Variants in MALRD1 observed in about 807,000 individuals in gnomAD.
MALRD1 encodes MAM and LDL receptor class A domain containing 1.
Under a neutral mutation model 242.1 loss-of-function variants are expected in MALRD1, and 247 were observed. The observed-to-expected ratio is 1.02, with a 90% confidence interval of 0.92 to 1.13. The LOEUF (loss-of-function observed/expected upper bound fraction) is 1.13. MALRD1 is among the 50% of genes most tolerant of loss of function. The pLI is 0.00. For synonymous variants in MALRD1, 995 were observed against 866.6 expected, an observed-to-expected ratio of 1.15 and a Z score of -2.60; for missense variants, 2,989 against 2,533.1, an observed-to-expected ratio of 1.18 and a Z score of -3.86.
intron 32 of MALRD1, among the ~76,000 whole-genome samples, chr10:19,540,671 C>A (rs1834927327): frequency 6.6e-6 from 1 of 152,048 alleles, no homozygotes; most frequent in African/African-American, 2.4e-5. Flanking sequence ...CCCAGCCCAT[C>A]TCATAGTTAT....
chr10:19,415,693 A>G (rs1337021150), intron 28 of MALRD1, among the ~76,000 whole-genome samples: 1 of 152,188 alleles, frequency 6.6e-6, no homozygotes, highest in African/African-American at 2.4e-5. Flanking sequence ...ATAGACTTCT[A>G]AAAGATCATT....
chr10:19,528,548 G>A (rs10827527), intron 31 of MALRD1, among the ~76,000 whole-genome samples: 39,076 of 151,970 alleles, frequency 0.26, 6,031 homozygotes, highest in Admixed American at 0.4. Flanking sequence ...AGCCAATATC[G>A]TGCCGTTGCA....
chr10:19,659,735 C>A, intron 36 of MALRD1, among the ~76,000 whole-genome samples: 1 of 151,984 alleles, frequency 6.6e-6, no homozygotes, highest in East Asian at 1.9e-4. Flanking sequence ...TATATAAAGT[C>A]AATAAATAAA....
chr10:19,176,822 G>GCATA (rs140446090), intron 14 of MALRD1, among the ~76,000 whole-genome samples: 2 of 150,794 alleles, frequency 1.3e-5, no homozygotes, highest in Admixed American at 6.6e-5. Flanking sequence ...CTGTGTGTCT[G>GCATA]TGTGTGTGTG....
At chr10:19,371,580 T>C (rs977376894) in intron 26 of MALRD1, among the ~76,000 whole-genome samples, 1 of 152,168 alleles carries the variant, frequency 6.6e-6, no homozygotes, top group Non-Finnish European at 1.5e-5. Flanking sequence ...CCTACAGTCT[T>C]AGAATTAACC....
At chr10:19,295,562 A>G (rs750302575) in intron 21 of MALRD1, among the ~76,000 whole-genome samples, 3 of 151,906 alleles carry the variant, frequency 2.0e-5, no homozygotes, top group Non-Finnish European at 2.9e-5. Context: ...TTATTGTGAT[A>G]TTTGTATGTA....
chr10:19,513,614 C>G (rs1833503750), intron 31 of MALRD1, among the ~76,000 whole-genome samples: 1 of 151,914 alleles, frequency 6.6e-6, no homozygotes, highest in Admixed American at 6.6e-5. Context: ...TAGCGGGTGC[C>G]TGTAGCCCCA....
intron 28 of MALRD1, among the ~76,000 whole-genome samples, chr10:19,403,853 T>C (rs1266179358): frequency 1.3e-5 from 2 of 152,104 alleles, no homozygotes; most frequent in Non-Finnish European, 2.9e-5. Context: ...ATCCCCAAAT[T>C]ATAAGGCAGA....
In MALRD1 at chr10:19,692,563, T is replaced by C. The variant is rs1025493571; in HGVS notation, c.6314+9T>C. The stretch of plus-strand genomic sequence containing the variant: ...AGAAAGGTACCAATAAGGTAAGTGA[T>C]GCCTTTAGTTGCTAAATGAAATATA... On this transcript the variant is annotated intron_variant, in intron 38 of 39. Transcript: ENST00000454679. The C allele has an allele frequency of 4.6e-6, 7 of 1,521,728 alleles. No individual in the cohort carries two copies. The highest frequency in any genetic ancestry group is 6.2e-6 in the Non-Finnish European group (7 of 1,136,682). The allele number at this position is 1,521,728 out of a possible 1,614,324, so 94.3% of individuals were successfully genotyped here. A position where few individuals can be genotyped will look rare whatever the true frequency, so the allele number is the denominator to read the frequency against.
chr10:19,369,998 G>C (rs1845302755), intron 26 of MALRD1, among the ~76,000 whole-genome samples: 1 of 152,020 alleles, frequency 6.6e-6, no homozygotes, highest in South Asian at 2.1e-4. Flanking sequence ...TGGTCACAGA[G>C]ATATTCTACT....
At chr10:19,570,980 A>G (rs998190435) in intron 33 of MALRD1, among the ~76,000 whole-genome samples, 1 of 152,092 alleles carries the variant, frequency 6.6e-6, no homozygotes, top group African/African-American at 2.4e-5. Flanking sequence ...TGTTGTTTTA[A>G]TCTTGCCCTA....
At chr10:19,709,671 T>C (rs2131868372) in intron 38 of MALRD1, among the ~76,000 whole-genome samples, 1 of 152,286 alleles carries the variant, frequency 6.6e-6, no homozygotes, top group South Asian at 2.1e-4. Context: ...CTTTCAGTTC[T>C]TAGGGTGTCT....
intron 24 of MALRD1, 88 bp downstream of exon 24, chr10:19,331,670 G>A: frequency 9.4e-7 from 1 of 1,068,488 alleles, no homozygotes; most frequent in Non-Finnish European, 1.4e-6. Context: ...AACATGCAGA[G>A]TGTGTGTATC....
chr10:19,470,693 T>C (rs1836448921), intron 29 of MALRD1, among the ~76,000 whole-genome samples: 1 of 152,004 alleles, frequency 6.6e-6, no homozygotes, highest in African/African-American at 2.4e-5. Flanking sequence ...ATATTGTCCA[T>C]GTTTTCATAT....
intron 31 of MALRD1, among the ~76,000 whole-genome samples, chr10:19,513,096 T>G (rs1417387850): frequency 6.6e-6 from 1 of 152,120 alleles, no homozygotes; most frequent in Non-Finnish European, 1.5e-5. Context: ...ATGATATGGT[T>G]TGTATATTTG....
At chr10:19,165,265 A>ATATATATATATATATATATATATATTTT in intron 12 of MALRD1, among the ~76,000 whole-genome samples, 2 of 130,308 alleles carry the variant, frequency 1.5e-5, no homozygotes, top group African/African-American at 6.5e-5. Context: ...ATATATATAT[A>ATATATATATATATATATATATATATTTT]TTTTGTTTTG....
At chr10:19,393,612 A>ATT (rs71387075) in intron 28 of MALRD1, among the ~76,000 whole-genome samples, 10,636 of 132,286 alleles carry the variant, frequency 0.08, 561 homozygotes, top group Non-Finnish European at 0.12. Context: ...CGCCTGGCTA[A>ATT]TTTTTTTTTT....
intron 18 of MALRD1, among the ~76,000 whole-genome samples, chr10:19,230,647 A>G (rs751294556): frequency 2.5e-4 from 38 of 152,170 alleles, no homozygotes; most frequent in Non-Finnish European, 3.1e-4. Flanking sequence ...AAACTATATC[A>G]GATACCAAAG....
chr10:19,448,435 G>A (rs970921313), intron 28 of MALRD1, among the ~76,000 whole-genome samples: 8 of 147,386 alleles, frequency 5.4e-5, no homozygotes, highest in African/African-American at 2.1e-4. Context: ...GTGTATATAT[G>A]TATATTTTTT....
Sources: gnomAD v4.1 joint callset for allele counts (sites outside exome capture counted in the v4.1 genomes callset) on GRCh38, gnomAD v4.1.1 for gene constraint, MANE v1.5 for transcripts, NCBI Gene and HGNC (gene_info 2026-07-23, HGNC 2026-07-21) for gene names.